TRAT1: variants seen among roughly 807,000 people sequenced by gnomAD.
TRAT1 encodes the protein T cell receptor associated transmembrane adaptor 1.
A neutral mutation model predicts 20.0 loss-of-function variants in TRAT1; 20 were observed. The observed-to-expected ratio is 1.00, with a 90% CI of 0.70 to 1.45. The LOEUF (loss-of-function observed/expected upper bound fraction) is 1.45. TRAT1 is among the 40% of genes most tolerant of loss of function. The pLI, the probability that TRAT1 is intolerant of heterozygous loss-of-function variation, is 0.00. For synonymous variants in TRAT1, 77 were observed against 74.2 expected (o/e 1.04, Z -0.20); for missense variants, 237 against 224.1 (o/e 1.06, Z -0.37).
At chr3:108,835,845 T>C (rs1945834239) in intron 2 of TRAT1, among the ~76,000 whole-genome samples, 1 of 152,164 alleles carries the variant, frequency 6.6e-6, no homozygotes, top group Admixed American at 6.5e-5. Context: ...TATTCCCCTA[T>C]TGATAATACA....
intron 5 of TRAT1, among the ~76,000 whole-genome samples, chr3:108,852,062 C>CACA (rs200204521): frequency 0.011 from 1,681 of 151,566 alleles, 40 homozygotes; most frequent in Admixed American, 0.05. Flanking sequence ...AGAAGCTAGA[C>CACA]ACAACAACAA....
intron 3 of TRAT1, among the ~76,000 whole-genome samples, chr3:108,841,410 G>T (rs1247275534): frequency 6.6e-6 from 1 of 151,982 alleles, no homozygotes; most frequent in Non-Finnish European, 1.5e-5. Context: ...AAGGGGCATG[G>T]AAGCTCCACA....
At chr3:108,838,466 T>G (rs922017572) in intron 2 of TRAT1, among the ~76,000 whole-genome samples, 3 of 152,138 alleles carry the variant, frequency 2.0e-5, no homozygotes, top group Non-Finnish European at 4.4e-5. Context: ...AAGAAAAGCC[T>G]ATTCAAACCA....
At chr3:108,852,545 C>T (rs1946007271) in intron 5 of TRAT1, among the ~76,000 whole-genome samples, 1 of 152,154 alleles carries the variant, frequency 6.6e-6, no homozygotes. Flanking sequence ...TGTTGTTAAT[C>T]CAAATGTTAT....
Position 108,830,746 on chromosome 3 carries a change from C to T in TRAT1, c.84C>T (p.Phe28=), listed in dbSNP as rs1945785238. 1 of 1,613,516 alleles carries T rather than the reference C, an allele frequency of 6.2e-7. No homozygotes were observed. The highest frequency in any genetic ancestry group is 8.5e-7 in the Non-Finnish European group (1 of 1,179,542). ...TGGCTTTGGTTATATCACTGATCTTCAATATTTCCCACTATGTGGAAAAGC... is the reference window on the plus strand; with the variant it reads ...TGGCTTTGGTTATATCACTGATCTTTAATATTTCCCACTATGTGGAAAAGC... ...LGLALVISLI[F]NISHYVEKQR... is the part of the protein sequence containing the mutation. The change falls in exon 2 of 6, where the codon TTC becomes TTT. Residue 28 remains phenylalanine, a synonymous_variant. Transcript: ENST00000295756.
chr3:108,841,288 A>AT (rs1481193977), intron 3 of TRAT1, among the ~76,000 whole-genome samples: 2 of 152,142 alleles, frequency 1.3e-5, no homozygotes, highest in Admixed American at 6.5e-5. Context: ...TACAATGCAG[A>AT]TTTTTTTCTA....
At chr3:108,826,723 A>C (rs1240109637) in intron 1 of TRAT1, among the ~76,000 whole-genome samples, 2 of 152,204 alleles carry the variant, frequency 1.3e-5, no homozygotes, top group African/African-American at 4.8e-5. Flanking sequence ...TTGCTCTGAC[A>C]GAGTTTACAA....
intron 3 of TRAT1, chr3:108,839,420 TCA>T (rs1325871792): frequency 1.3e-5 from 2 of 152,982 alleles, no homozygotes; most frequent in Non-Finnish European, 2.9e-5. Flanking sequence ...GATCACGAGG[TCA>T]GGAGATGGAG....
At chr3:108,849,380 G>A (rs1945975842) in intron 5 of TRAT1, 126 bp downstream of exon 5, 1 of 695,110 alleles carries the variant, frequency 1.4e-6, no homozygotes, top group Non-Finnish European at 2.4e-6. Flanking sequence ...TCTGGGACCT[G>A]AGCTCTAACT....
intron 3 of TRAT1, among the ~76,000 whole-genome samples, chr3:108,843,504 T>C (rs1229544012): frequency 6.6e-6 from 1 of 152,048 alleles, no homozygotes; most frequent in Non-Finnish European, 1.5e-5. Context: ...CACTCCAACA[T>C]GGTGACAGAG....
chr3:108,835,960 C>A (rs1432509385), intron 2 of TRAT1, among the ~76,000 whole-genome samples: 1 of 151,914 alleles, frequency 6.6e-6, no homozygotes, highest in East Asian at 1.9e-4. Flanking sequence ...TGCTCTGTCG[C>A]CCAGGCTGGA....
intron 1 of TRAT1, among the ~76,000 whole-genome samples, chr3:108,823,731 C>T (rs1945712223): frequency 6.6e-6 from 1 of 151,820 alleles, no homozygotes; most frequent in African/African-American, 2.4e-5. Context: ...ATAATATATC[C>T]AGCTTTTTTC....
chr3:108,828,585 A>G (rs1945764039), intron 1 of TRAT1, among the ~76,000 whole-genome samples: 1 of 152,176 alleles, frequency 6.6e-6, no homozygotes, highest in Non-Finnish European at 1.5e-5. Flanking sequence ...TTGAGACACC[A>G]TGTGATGTAT....
intron 5 of TRAT1, among the ~76,000 whole-genome samples, chr3:108,851,385 G>T (rs1945996668): frequency 6.6e-6 from 1 of 152,088 alleles, no homozygotes; most frequent in African/African-American, 2.4e-5. Context: ...CAAAACATTT[G>T]AAAAATACAA....
chr3:108,826,419 C>T (rs1378884114), intron 1 of TRAT1, among the ~76,000 whole-genome samples: 1 of 152,118 alleles, frequency 6.6e-6, no homozygotes, highest in African/African-American at 2.4e-5. Flanking sequence ...TTAAAAACAG[C>T]ATGGTATTTT....
rs144244624 is a variant in TRAT1, at chr3:108,831,380, C to T, written c.118+600C>T. On this transcript the variant is annotated intron_variant, in intron 2 of 5. Transcript: ENST00000295756. ...TGTGGCTTTCAATCTGCATATGCCA[C>T]AACTGAAATGGCCTGAAGCCCAGCA... 1.2e-3 allele frequency among the ~76,000 whole-genome samples: 177 copies of T among 152,278 alleles called. 2 individuals are homozygous for T. In the East Asian group the frequency reaches 0.028, roughly 24 times the overall value.
intron 3 of TRAT1, among the ~76,000 whole-genome samples, chr3:108,844,098 T>A (rs979655421): frequency 2.0e-5 from 3 of 152,224 alleles, no homozygotes; most frequent in Non-Finnish European, 4.4e-5. Flanking sequence ...CCAAAGCTTG[T>A]CCTTTCCCAT....
At chr3:108,849,916 T>C (rs927751055) in intron 5 of TRAT1, among the ~76,000 whole-genome samples, 1 of 152,230 alleles carries the variant, frequency 6.6e-6, no homozygotes, top group Admixed American at 6.5e-5. Flanking sequence ...ATTTTTAGCC[T>C]ACATGCTCCT....
intron 1 of TRAT1, 67 bp downstream of exon 1, chr3:108,823,001 A>C (rs1325150449): frequency 1.5e-6 from 2 of 1,355,982 alleles, no homozygotes; most frequent in Non-Finnish European, 2.1e-6. Context: ...TCTAAGTCCT[A>C]ACGAGAAGAC....
Sources: allele counts gnomAD v4.1 joint callset (sites outside exome capture counted in the v4.1 genomes callset), GRCh38; gene constraint gnomAD v4.1.1; transcripts MANE v1.5; gene names NCBI Gene and HGNC (gene_info 2026-07-23, HGNC 2026-07-21).